The following CAST variants were observed in gnomAD, a reference collection of about 807,000 sequenced individuals.
CAST encodes the protein calpastatin.
A neutral mutation model predicts 119.6 loss-of-function variants in CAST; 76 were observed. The observed-to-expected ratio is 0.64, with a 90% CI of 0.53 to 0.77. The LOEUF is 0.77. CAST is among the 30% of genes least tolerant of loss of function. CAST has a pLI of 0.00. For missense variants in CAST, 953 were observed against 946.5 expected, an observed-to-expected ratio of 1.01 and a Z score of -0.09; for synonymous variants, 319 against 331.6, an observed-to-expected ratio of 0.96 and a Z score of 0.41.
chr5:96,226,152 C>T, the CAST span, among the ~76,000 whole-genome samples: 3 of 152,120 alleles, frequency 2.0e-5, no homozygotes, highest in Non-Finnish European at 4.4e-5. Context: ...GTCTTAACTG[C>T]CCATTGGTTG....
chr5:96,251,657 C>G, the CAST span, among the ~76,000 whole-genome samples: 1 of 152,138 alleles, frequency 6.6e-6, no homozygotes, highest in Non-Finnish European at 1.5e-5. Context: ...TGTACACACT[C>G]TGGCCACAGA....
the CAST span, among the ~76,000 whole-genome samples, chr5:96,107,223 A>G: frequency 2.7e-4 from 41 of 152,154 alleles, no homozygotes; most frequent in Admixed American, 5.2e-4. Context: ...GTCCATTTAC[A>G]TTTAAAGTTA....
At chr5:96,475,644 A>G in the CAST span, among the ~76,000 whole-genome samples, 1 of 152,190 alleles carries the variant, frequency 6.6e-6, no homozygotes, top group Non-Finnish European at 1.5e-5. Flanking sequence ...AAGCACACAG[A>G]TTATTTTGGC....
intron 1 of CAST, among the ~76,000 whole-genome samples, chr5:96,620,607 G>T (rs948416437): frequency 1.3e-5 from 2 of 152,148 alleles, no homozygotes; most frequent in Non-Finnish European, 1.5e-5. Context: ...ATGTTCAGTA[G>T]GTTAGGTGTA....
the CAST span, among the ~76,000 whole-genome samples, chr5:96,001,734 A>G: frequency 2.0e-5 from 3 of 152,254 alleles, no homozygotes; most frequent in Non-Finnish European, 4.4e-5. Flanking sequence ...TGAATCTCAT[A>G]TAAATTAACT....
the CAST span, among the ~76,000 whole-genome samples, chr5:96,236,095 A>G: frequency 0.013 from 2,039 of 151,220 alleles, 27 homozygotes; most frequent in Non-Finnish European, 0.017. Flanking sequence ...CTGTCTGTCT[A>G]TCTGTCTGTC....
At chr5:96,419,111 TA>T in the CAST span, among the ~76,000 whole-genome samples, 1 of 151,848 alleles carries the variant, frequency 6.6e-6, no homozygotes, top group African/African-American at 2.4e-5. Flanking sequence ...TGCACACATA[TA>T]CATATATGGC....
At chr5:96,750,523 C>T in intron 19 of CAST, 64 bp from the exon 20 acceptor site, 1 of 975,036 alleles carries the variant, frequency 1.0e-6, no homozygotes, top group Admixed American at 1.7e-5. Flanking sequence ...GTTGGTCTAC[C>T]ATTACTCAGT....
chr5:96,539,761 C>T (rs1168260870), intron 1 of CAST, among the ~76,000 whole-genome samples: 1 of 152,122 alleles, frequency 6.6e-6, no homozygotes, highest in Non-Finnish European at 1.5e-5. Flanking sequence ...ATGGACAGCA[C>T]ATAGTTTGAT....
At chr5:96,708,021 T>G (rs549445831) in intron 3 of CAST, among the ~76,000 whole-genome samples, 9 of 152,340 alleles carry the variant, frequency 5.9e-5, no homozygotes, top group African/African-American at 2.2e-4. Flanking sequence ...TGCTTTTTCC[T>G]TATTGTGAAT....
At chr5:96,253,923 C>A in the CAST span, among the ~76,000 whole-genome samples, 5 of 149,312 alleles carry the variant, frequency 3.3e-5, no homozygotes, top group Non-Finnish European at 7.4e-5. Flanking sequence ...CTACCTCTAG[C>A]ATTTTGTAGG....
At chr5:96,057,570 T>C in the CAST span, among the ~76,000 whole-genome samples, 1 of 152,222 alleles carries the variant, frequency 6.6e-6, no homozygotes, top group Non-Finnish European at 1.5e-5. Context: ...GTTTGGTTTT[T>C]AAATTTTGTC....
At chr5:96,680,780 T>C (rs1302883407) in intron 2 of CAST, among the ~76,000 whole-genome samples, 1 of 152,240 alleles carries the variant, frequency 6.6e-6, no homozygotes, top group East Asian at 1.9e-4. Flanking sequence ...TTTGTGACAG[T>C]GTTCCCACAA....
At chr5:95,983,715 A>G in the CAST span, among the ~76,000 whole-genome samples, 1 of 152,194 alleles carries the variant, frequency 6.6e-6, no homozygotes, top group African/African-American at 2.4e-5. Flanking sequence ...ATATTTATAT[A>G]TGCTTGGAGG....
chr5:96,672,229 G>GTC (rs139068540), intron 1 of CAST, among the ~76,000 whole-genome samples: 4,724 of 149,846 alleles, frequency 0.032, 241 homozygotes, highest in African/African-American at 0.11. Context: ...CTCTCTCTCT[G>GTC]TCTCTCTCTC....
the CAST span, among the ~76,000 whole-genome samples, chr5:96,041,933 A>G: frequency 3.3e-4 from 50 of 152,160 alleles, 1 homozygote; most frequent in East Asian, 6.0e-3. Context: ...TCTCACCGCA[A>G]TGGGGGATTT....
chr5:96,287,684 C>A, the CAST span, among the ~76,000 whole-genome samples: 1 of 151,992 alleles, frequency 6.6e-6, no homozygotes, highest in Non-Finnish European at 1.5e-5. Flanking sequence ...ATTCTAGATT[C>A]TATTGAAAGT....
At chr5:95,986,929 C>G in the CAST span, among the ~76,000 whole-genome samples, 8 of 152,096 alleles carry the variant, frequency 5.3e-5, no homozygotes, top group Non-Finnish European at 1.2e-4. Flanking sequence ...GGCCTGTGGA[C>G]CACTCCTAAG....
At chr5:96,072,256 C>T in the CAST span, among the ~76,000 whole-genome samples, 296 of 152,182 alleles carry the variant, frequency 1.9e-3, 1 homozygote, top group Non-Finnish European at 3.1e-3. Flanking sequence ...AGTCCTTATA[C>T]TCTTCAGGGA....
Sources: allele counts gnomAD v4.1 joint callset (sites outside exome capture counted in the v4.1 genomes callset), GRCh38; gene constraint gnomAD v4.1.1; transcripts MANE v1.5; gene names NCBI Gene and HGNC (gene_info 2026-07-23, HGNC 2026-07-21).